The following RORB variants were observed in gnomAD, a reference collection of about 807,000 sequenced individuals.
RORB encodes nuclear receptor ROR-beta.
RORB carries 6 observed loss-of-function variants against 59.1 expected under a neutral mutation model. The observed-to-expected ratio is 0.10, with a 90% confidence interval of 0.06 to 0.20. The LOEUF is 0.20. Ranked by LOEUF, RORB falls within the 10% of genes least tolerant of loss-of-function variation. The probability of loss-of-function intolerance (pLI) is 1.00; values close to 1 mark genes in which losing one functional copy is unlikely to be tolerated. For missense variants in RORB, 320 were observed against 560.5 expected, an observed-to-expected ratio of 0.57 and a Z score of 4.33; for synonymous variants, 215 against 204.5, an observed-to-expected ratio of 1.05 and a Z score of -0.44.
chr9:74,675,910 T>C (rs1292120306), intron 9 of RORB, among the ~76,000 whole-genome samples: 3 of 152,206 alleles, frequency 2.0e-5, no homozygotes, highest in Admixed American at 2.0e-4. Flanking sequence ...GGGTGAGAGA[T>C]AGGGCAGCAA....
chr9:74,515,949 G>T lies in RORB; in HGVS notation c.7+17966G>T, dbSNP rs1826002929. The stretch of plus-strand genomic sequence containing the variant: ...ACAAAATCTTGGCAGCAAAAATCAT[G>T]TGTGTGCACCACCGCAAATGAAAGA... On this transcript the variant is annotated intron_variant, in intron 1 of 9. Transcript: ENST00000376896. Among the ~76,000 whole-genome samples the T allele has an allele frequency of 2.0e-5, 3 of 152,022 alleles. No individual in the cohort carries two copies. In the South Asian group the frequency reaches 6.2e-4, roughly 32 times the overall value.
At chr9:74,685,015 A>G (rs1345741327) in intron 9 of RORB, among the ~76,000 whole-genome samples, 1 of 152,108 alleles carries the variant, frequency 6.6e-6, no homozygotes, top group African/African-American at 2.4e-5. Context: ...TGTAGGAATT[A>G]CCTCCCTCAG....
At chr9:74,568,045 TC>T (rs1397575646) in intron 1 of RORB, among the ~76,000 whole-genome samples, 9 of 152,224 alleles carry the variant, frequency 5.9e-5, no homozygotes, top group Non-Finnish European at 1.2e-4. Flanking sequence ...TGGTTAATAA[TC>T]TAACACATCA....
chr9:74,537,149 T>G (rs1826333122), intron 1 of RORB, among the ~76,000 whole-genome samples: 1 of 152,024 alleles, frequency 6.6e-6, no homozygotes, highest in South Asian at 2.1e-4. Context: ...TTTTCTGAAT[T>G]TAATGTAGTT....
chr9:74,596,101 A>G (rs139802121), intron 1 of RORB, among the ~76,000 whole-genome samples: 283 of 152,288 alleles, frequency 1.9e-3, no homozygotes, highest in African/African-American at 6.6e-3. Flanking sequence ...GAGTAATAAG[A>G]GCTGTAGCAC....
rs533209565 is a variant in RORB, at chr9:74,520,132, A to G, written c.7+22149A>G. ...AGAAAGACATTTTTTCCAATGCTGT[A>G]CAAAAAGAAAAGAAAGAAAAAAAAA... On this transcript the variant is annotated intron_variant, in intron 1 of 9. Coordinates refer to ENST00000376896, the MANE Select transcript of RORB (RefSeq NM_006914.4). 3.8e-4 allele frequency among the ~76,000 whole-genome samples: 58 copies of G among 152,074 alleles called. 1 individual carries two copies. The highest frequency in any genetic ancestry group is 1.4e-3 in the African/African-American group (57 of 41,518).
intron 5 of RORB, among the ~76,000 whole-genome samples, chr9:74,661,214 C>G (rs1440482835): frequency 6.6e-6 from 1 of 152,146 alleles, no homozygotes; most frequent in African/African-American, 2.4e-5. Context: ...GACAACTCAT[C>G]CCATATTTTC....
At chr9:74,585,173 G>A (rs915753973) in intron 1 of RORB, among the ~76,000 whole-genome samples, 2 of 152,194 alleles carry the variant, frequency 1.3e-5, no homozygotes, top group African/African-American at 4.8e-5. Flanking sequence ...TTTACTGAGT[G>A]CATCGATAGC....
chr9:74,560,326 C>T (rs189629880), intron 1 of RORB, among the ~76,000 whole-genome samples: 18 of 152,076 alleles, frequency 1.2e-4, no homozygotes, highest in African/African-American at 4.1e-4. Flanking sequence ...ACTCAGAATT[C>T]GAAGTAGGGT....
chr9:74,615,128 C>T (rs972786299), intron 1 of RORB, among the ~76,000 whole-genome samples: 17 of 152,138 alleles, frequency 1.1e-4, no homozygotes, highest in East Asian at 3.8e-4. Context: ...TACCTTGATG[C>T]GATCTTTCAT....
At chr9:74,519,905 G>T (rs542482256) in intron 1 of RORB, among the ~76,000 whole-genome samples, 1 of 151,820 alleles carries the variant, frequency 6.6e-6, no homozygotes, top group African/African-American at 2.4e-5. Context: ...ACATTTCACA[G>T]CAATTTCTAA....
At chr9:74,614,468 G>A (rs1438212877) in intron 1 of RORB, among the ~76,000 whole-genome samples, 1 of 151,964 alleles carries the variant, frequency 6.6e-6, no homozygotes, top group Non-Finnish European at 1.5e-5. Context: ...GGCACAAGGA[G>A]GAATGGGTAA....
Position 74,589,382 on chromosome 9 carries a change from A to G in RORB, c.8-40900A>G, listed in dbSNP as rs76047161. Among the ~76,000 whole-genome samples the G allele has an allele frequency of 6.8e-3, 1,035 of 152,212 alleles. 6 individuals carry two copies. Among genetic ancestry groups the G allele is most frequent in the Middle Eastern group, 0.02 (6 of 294 alleles). ...ACCTCTCTCCCCCAACACACAAACCATGGACCCAAATTTTCTCTTCTAACA... is the reference window on the plus strand; with the variant it reads ...ACCTCTCTCCCCCAACACACAAACCGTGGACCCAAATTTTCTCTTCTAACA... On this transcript the variant is annotated intron_variant, in intron 1 of 9. Transcript: ENST00000376896.
intron 1 of RORB, among the ~76,000 whole-genome samples, chr9:74,584,755 T>C (rs1053383061): frequency 2.0e-5 from 3 of 152,178 alleles, no homozygotes; most frequent in Admixed American, 1.3e-4. Flanking sequence ...GTAATGGAGA[T>C]AGTGGCTACT....
intron 1 of RORB, among the ~76,000 whole-genome samples, chr9:74,597,005 C>T (rs1304484764): frequency 1.3e-5 from 2 of 152,142 alleles, no homozygotes; most frequent in African/African-American, 4.8e-5. Context: ...CCAGGGAAAG[C>T]CCTAGGGAAA....
Position 74,630,389 on chromosome 9 carries a change from C to T in RORB, c.93+22C>T, listed in dbSNP as rs181923426. The T allele has an allele frequency of 1.6e-4, 260 of 1,593,858 alleles. 1 individual carries two copies. The African/African-American group carries it at 2.7e-3, about 17-fold the overall frequency. ...CAAGGTATGGGACTTTCATACAGCA[C>T]GGTTCTGTATTTGCCTCAGGCATCT... On this transcript the variant is annotated intron_variant, in intron 2 of 9. Coordinates refer to ENST00000376896, the MANE Select transcript of RORB (RefSeq NM_006914.4).
At position 74,538,882 on chromosome 9, in the gene RORB, C is replaced by T. The variant is rs1332568188; in HGVS notation, c.7+40899C>T. Among the ~76,000 whole-genome samples the T allele has an allele frequency of 1.1e-4, 17 of 152,252 alleles. No individual in the cohort carries two copies. The East Asian group carries it at 3.1e-3, about 28-fold the overall frequency. On this transcript the variant is annotated intron_variant, in intron 1 of 9. Transcript: ENST00000376896. Reference sequence around the variant, plus strand: ...TGGCTGTGTGACCTTGGACAATTCACTCAACTTCCCTGATCCCCAGCTCAT... The same window carrying T: ...TGGCTGTGTGACCTTGGACAATTCATTCAACTTCCCTGATCCCCAGCTCAT...
intron 1 of RORB, among the ~76,000 whole-genome samples, chr9:74,574,049 G>A (rs897611272): frequency 1.3e-5 from 2 of 152,152 alleles, no homozygotes; most frequent in Admixed American, 6.6e-5. Context: ...TATGATGCCT[G>A]CATCAACCCA....
chr9:74,567,024 A>G (rs1587362389), intron 1 of RORB, among the ~76,000 whole-genome samples: 1 of 147,484 alleles, frequency 6.8e-6, no homozygotes, highest in Non-Finnish European at 1.5e-5. Context: ...ACAAATGCCC[A>G]CCCCACCCTT....
Sources: gnomAD v4.1 joint callset for allele counts (sites outside exome capture counted in the v4.1 genomes callset) on GRCh38, gnomAD v4.1.1 for gene constraint, MANE v1.5 for transcripts, NCBI Gene and HGNC (gene_info 2026-07-23, HGNC 2026-07-21) for gene names.